DAPK2: variants seen among roughly 807,000 people sequenced by gnomAD.
DAPK2 encodes the protein death-associated protein kinase 2.
DAPK2 carries 35 observed loss-of-function variants against 44.1 expected under a neutral mutation model. The observed-to-expected ratio is 0.79, with a 90% CI of 0.61 to 1.05. DAPK2 has a LOEUF of 1.05. Ranked by LOEUF, DAPK2 falls within the 50% of genes least tolerant of loss-of-function variation. The probability of loss-of-function intolerance (pLI) is 0.00; values close to 1 mark genes in which losing one functional copy is unlikely to be tolerated. For synonymous variants in DAPK2, 174 were observed against 182.6 expected (o/e 0.95, Z 0.38); for missense variants, 453 against 483.2 (o/e 0.94, Z 0.59).
At chr15:63,984,809 C>T (rs1011630247) in intron 1 of DAPK2, among the ~76,000 whole-genome samples, 2 of 152,206 alleles carry the variant, frequency 1.3e-5, no homozygotes, top group African/African-American at 4.8e-5. Context: ...AAGCTACATA[C>T]AGGGAAATGC....
chr15:64,004,252 C>G (rs982666720), intron 1 of DAPK2, among the ~76,000 whole-genome samples: 1 of 152,160 alleles, frequency 6.6e-6, no homozygotes, highest in Non-Finnish European at 1.5e-5. Flanking sequence ...TCCTCTGCCC[C>G]CTGTATTTCC....
At chr15:63,964,731 C>T (rs34973418) in intron 3 of DAPK2, among the ~76,000 whole-genome samples, 5,843 of 152,118 alleles carry the variant, frequency 0.038, 229 homozygotes, top group East Asian at 0.21. Context: ...TGCTAACAGA[C>T]TCTGACGCAT....
At chr15:63,931,168 C>A (rs549841547) in intron 4 of DAPK2, among the ~76,000 whole-genome samples, 2 of 152,326 alleles carry the variant, frequency 1.3e-5, no homozygotes, top group Admixed American at 6.5e-5. Context: ...ACAGGGTGAG[C>A]TCTCACCAGA....
intron 5 of DAPK2, chr15:63,929,806 C>T: frequency 1.5e-6 from 1 of 668,784 alleles, no homozygotes; most frequent in Non-Finnish European, 2.7e-6. Flanking sequence ...AGTTCAAGAT[C>T]AGACTCCTGC....
rs2080453833 is a variant in DAPK2 at position 64,046,040 on chromosome 15, C to G, written c.-7+258G>C. 6.6e-6 allele frequency among the ~76,000 whole-genome samples: 1 copy of G among 152,216 alleles called. No homozygotes were observed. Among genetic ancestry groups the G allele is most frequent in the Admixed American group, 6.5e-5 (1 of 15,292 alleles). On this transcript the variant is annotated intron_variant, in intron 1 of 11. Coordinates refer to the DAPK2 transcript ENST00000457488. The surrounding 1 kb of genome is among the most constrained non-coding windows in gnomAD (Gnocchi z 5.3). ...TCTCCCTGCTGGGTGCTTGGCTCTG[C>G]CCGCCGCCTCTACCCTGTCTCCCAG...
At chr15:64,015,238 C>T (rs960808894) in intron 1 of DAPK2, among the ~76,000 whole-genome samples, 3 of 152,200 alleles carry the variant, frequency 2.0e-5, no homozygotes, top group African/African-American at 4.8e-5. Context: ...CTTGCTTATG[C>T]CACACAGGAC....
chr15:64,044,874 A>G (rs150347745), upstream of DAPK2, among the ~76,000 whole-genome samples: 6 of 152,312 alleles, frequency 3.9e-5, no homozygotes, highest in East Asian at 1.2e-3. Flanking sequence ...CCGTCTCATT[A>G]CACACACCCC....
intron 1 of DAPK2, among the ~76,000 whole-genome samples, chr15:64,004,440 G>A: frequency 6.6e-6 from 1 of 152,150 alleles, no homozygotes; most frequent in Admixed American, 6.5e-5. Context: ...TCAACAGGGG[G>A]ACCCTCACTT....
chr15:64,025,441 G>A (rs2079811090), intron 1 of DAPK2, among the ~76,000 whole-genome samples: 2 of 152,124 alleles, frequency 1.3e-5, no homozygotes, highest in South Asian at 4.1e-4. Context: ...AGTGCTTCTG[G>A]GCTTCCCAGG....
chr15:63,990,275 A>G lies in DAPK2; in HGVS notation c.93-6521T>C, dbSNP rs1411206635. ...AAAACCCCATCTCTCCTAAAAATAC[A>G]AAAATTAGCTGGGCATGGTGGTGCA... On this transcript the variant is annotated intron_variant, in intron 1 of 10. Transcript: ENST00000261891. This position sits in a 1 kb window ranked among gnomAD's most constrained non-coding sequence, Gnocchi z 4.3. Among the ~76,000 whole-genome samples, 1 of 152,224 alleles carries G rather than the reference A, an allele frequency of 6.6e-6. No individual in the cohort carries two copies. The highest frequency in any genetic ancestry group is 1.9e-4 in the East Asian group (1 of 5,172).
chr15:63,935,003 G>A (rs1473984262), intron 4 of DAPK2, among the ~76,000 whole-genome samples: 1 of 151,064 alleles, frequency 6.6e-6, no homozygotes, highest in East Asian at 1.9e-4. Context: ...TTCTGCTAAT[G>A]ATGGTGTATT....
chr15:64,034,021 A>G (rs2080105493), intron 1 of DAPK2, among the ~76,000 whole-genome samples: 1 of 152,136 alleles, frequency 6.6e-6, no homozygotes, highest in African/African-American at 2.4e-5. Context: ...ACTCTTCATA[A>G]CTTTATGACA....
At chr15:63,931,754 G>T (rs899337468) in intron 4 of DAPK2, among the ~76,000 whole-genome samples, 1 of 152,208 alleles carries the variant, frequency 6.6e-6, no homozygotes, top group Non-Finnish European at 1.5e-5. Flanking sequence ...AGGGTGCAGA[G>T]ACTAGGAGAG....
At chr15:63,942,291 A>T in intron 3 of DAPK2, 1 of 983,082 alleles carries the variant, frequency 1.0e-6, no homozygotes, top group Non-Finnish European at 1.2e-6. Context: ...TGGCTCACAC[A>T]TGTAATCCTA....
intron 1 of DAPK2, among the ~76,000 whole-genome samples, chr15:63,996,425 G>A (rs1478616871): frequency 3.3e-5 from 5 of 152,142 alleles, no homozygotes; most frequent in East Asian, 1.9e-4. Flanking sequence ...CCTGACAACA[G>A]AGCAAGACCC....
At chr15:64,010,007 G>A (rs774114227) in intron 1 of DAPK2, among the ~76,000 whole-genome samples, 2 of 152,212 alleles carry the variant, frequency 1.3e-5, no homozygotes, top group Non-Finnish European at 2.9e-5. Context: ...AAGGGCCTTA[G>A]AATTGTAAAC....
At chr15:63,926,652 C>T (rs2079283331) in intron 6 of DAPK2, among the ~76,000 whole-genome samples, 1 of 152,108 alleles carries the variant, frequency 6.6e-6, no homozygotes, top group Non-Finnish European at 1.5e-5. Context: ...GGATGTCATA[C>T]AAATAATGAC....
intron 1 of DAPK2, among the ~76,000 whole-genome samples, chr15:64,006,722 T>G (rs1195813030): frequency 6.6e-6 from 1 of 152,192 alleles, no homozygotes; most frequent in African/African-American, 2.4e-5. Context: ...CAGTGACAGA[T>G]GCAGGACCAG....
chr15:64,005,636 G>A (rs1156280836), intron 1 of DAPK2, among the ~76,000 whole-genome samples: 1 of 152,042 alleles, frequency 6.6e-6, no homozygotes, highest in East Asian at 1.9e-4. Context: ...AGGTAGGGGT[G>A]GGCAGGGGAG....
Sources: allele counts gnomAD v4.1 joint callset (sites outside exome capture counted in the v4.1 genomes callset), GRCh38; gene constraint gnomAD v4.1.1; non-coding constraint Gnocchi (gnomAD v3.1); transcripts MANE v1.5; gene names NCBI Gene and HGNC (gene_info 2026-07-23, HGNC 2026-07-21).